The following ACLY variants were observed in gnomAD, a reference collection of about 807,000 sequenced individuals.
ACLY encodes the protein ATP citrate lyase, also known as ATP-citrate synthase.
A neutral mutation model predicts 133.0 loss-of-function variants in ACLY; 41 were observed. The ratio of observed to expected loss-of-function variants is 0.31; its 90% CI spans 0.24 to 0.40. The LOEUF is 0.40. Among genes scored for constraint, ACLY ranks in the 10% least tolerant of loss-of-function variants. The pLI is 1.00. For missense variants in ACLY, 1,046 were observed against 1,453.8 expected, an observed-to-expected ratio of 0.72 and a Z score of 4.56; for synonymous variants, 495 against 549.3, an observed-to-expected ratio of 0.90 and a Z score of 1.38.
intron 21 of ACLY, among the ~76,000 whole-genome samples, chr17:41,878,581 AAC>A (rs1440485473): frequency 6.6e-6 from 1 of 152,248 alleles, no homozygotes; most frequent in East Asian, 1.9e-4. Context: ...TCAGAAACTC[AAC>A]ACATTTTAAT....
intron 17 of ACLY, among the ~76,000 whole-genome samples, chr17:41,887,127 GAAAAAAAAA>G (rs535668437): frequency 2.4e-4 from 26 of 110,378 alleles, no homozygotes; most frequent in African/African-American, 4.0e-4. Flanking sequence ...CCGTCTCAAA[GAAAAAAAAA>G]AAAAAAAAAA....
At chr17:41,908,782 T>A (rs566379056) in intron 6 of ACLY, among the ~76,000 whole-genome samples, 10 of 151,778 alleles carry the variant, frequency 6.6e-5, no homozygotes, top group Non-Finnish European at 1.5e-4. Flanking sequence ...AAGAGAGAGG[T>A]TGGAGTTGAC....
intron 1 of ACLY, 37 bp from the exon 2 acceptor site, chr17:41,913,933 G>A (rs782206084): frequency 6.3e-7 from 1 of 1,598,686 alleles, no homozygotes; most frequent in South Asian, 1.1e-5. Context: ...AAGGGGGCAG[G>A]CGTGTGGAGG....
At chr17:41,911,732 C>T (rs2049907283) in intron 3 of ACLY, among the ~76,000 whole-genome samples, 1 of 152,126 alleles carries the variant, frequency 6.6e-6, no homozygotes, top group African/African-American at 2.4e-5. Flanking sequence ...GGGAGGATAA[C>T]TTGAACCTGG....
chr17:41,907,616 A>G (rs532699835), intron 6 of ACLY, 44 bp from the exon 7 acceptor site: 1 of 1,601,882 alleles, frequency 6.2e-7, no homozygotes, highest in East Asian at 2.2e-5. Flanking sequence ...GGCTCTGGGT[A>G]GAGACAACCA....
At chr17:41,919,059 C>G (rs993035210), upstream of ACLY, 41 of 1,256,196 alleles carry the variant, frequency 3.3e-5, no homozygotes, top group East Asian at 2.2e-3. Context: ...CACGCGTTCC[C>G]TAGCCTGAGC....
chr17:41,928,496 T>C (rs2050268287), intron 1 of ACLY, among the ~76,000 whole-genome samples: 1 of 152,094 alleles, frequency 6.6e-6, no homozygotes, highest in Non-Finnish European at 1.5e-5. Flanking sequence ...TTTTGGCTAT[T>C]TTAGGTCTTT....
chr17:41,877,333 G>T (rs1555626347), intron 22 of ACLY, among the ~76,000 whole-genome samples: 1 of 151,126 alleles, frequency 6.6e-6, no homozygotes, highest in African/African-American at 2.4e-5. Flanking sequence ...AGTAGAGATG[G>T]GGTTTCACCA....
intron 11 of ACLY, among the ~76,000 whole-genome samples, chr17:41,899,698 G>A (rs781908691): frequency 5.9e-5 from 9 of 152,048 alleles, no homozygotes; most frequent in Non-Finnish European, 2.9e-5. Context: ...TAACTTCACT[G>A]TGCTGTCCCC....
At position 41,880,865 on chromosome 17, in the gene ACLY, CA is replaced by C. The variant is rs782218481; in HGVS notation, c.2266-1942del. On this transcript the variant is annotated intron_variant, in intron 20 of 28. Coordinates refer to ENST00000352035, the MANE Select transcript of ACLY (RefSeq NM_001096.3). ...TGGGCGACAGAGCGAGACTCCGTCT[CA>C]AAAAAAAAAAAACACAAAAACCTAA... is the stretch of plus-strand genomic sequence containing the variant. Among the ~76,000 whole-genome samples, 1,042 of 121,632 alleles carry C rather than the reference CA, an allele frequency of 8.6e-3. 4 individuals carry two copies. The highest frequency in any genetic ancestry group is 0.029 in the African/African-American group (952 of 33,206). 79.8% of individuals were successfully genotyped at this position (121,632 alleles called of 152,430 possible). A position where few individuals can be genotyped will look rare whatever the true frequency, so the allele number is the denominator to read the frequency against.
chr17:41,880,707 A>G (rs1374358335), intron 20 of ACLY, among the ~76,000 whole-genome samples: 2 of 152,002 alleles, frequency 1.3e-5, no homozygotes. Context: ...CTAAAAGAAT[A>G]CAAAAAAAAT....
chr17:41,894,318 G>A (rs1190268005), intron 14 of ACLY, among the ~76,000 whole-genome samples: 4 of 149,316 alleles, frequency 2.7e-5, no homozygotes, highest in Non-Finnish European at 4.4e-5. Context: ...CAGAGGTTGC[G>A]GCGAGCCAAG....
intron 11 of ACLY, among the ~76,000 whole-genome samples, chr17:41,899,873 G>A (rs1271049847): frequency 4.6e-5 from 7 of 151,256 alleles, no homozygotes; most frequent in Admixed American, 1.3e-4. Context: ...GCAAAAGTTC[G>A]TCTACAAAAA....
chr17:41,898,854 G>A (rs2144342485), intron 11 of ACLY, 69 bp from the exon 12 acceptor site: 6 of 1,488,434 alleles, frequency 4.0e-6, no homozygotes, highest in Non-Finnish European at 5.5e-6. Context: ...ATGTGACCCT[G>A]CAAAGGGCCT....
rs373894224 is a variant in ACLY, at chr17:41,906,626, G to A, written c.768C>T (p.Leu256=). Residue 256 remains leucine (L), a synonymous_variant, in exon 8 of 29, where the codon CTC becomes CTT. Coordinates refer to ENST00000352035, the MANE Select transcript of ACLY (RefSeq NM_001096.3). The part of the protein sequence containing the change: ...AYPEEAYIAD[L]DAKSGASLKL... ...TCAGGCTTGCCCCACTTTTGGCATC[G>A]AGGTCTGCAATGTAGGCTTCCTGGG... is the stretch of plus-strand genomic sequence containing the variant. The A allele has an allele frequency of 1.5e-5, 25 of 1,614,150 alleles. No homozygotes were observed. The highest frequency in any genetic ancestry group is 1.8e-5 in the Non-Finnish European group (21 of 1,180,014).
intron 17 of ACLY, among the ~76,000 whole-genome samples, chr17:41,886,619 A>G (rs1002522677): frequency 6.6e-6 from 1 of 152,136 alleles, no homozygotes; most frequent in Non-Finnish European, 1.5e-5. Context: ...TACTAGCTCC[A>G]TTTTTTTAAT....
chr17:41,873,673 G>T, intron 23 of ACLY, 138 bp downstream of exon 23: 2 of 1,052,824 alleles, frequency 1.9e-6, no homozygotes, highest in Non-Finnish European at 2.6e-6. Context: ...TCCTTCCTCT[G>T]GCCGCTCAAT....
chr17:41,899,168 C>T (rs569782991), intron 11 of ACLY, among the ~76,000 whole-genome samples: 1 of 151,808 alleles, frequency 6.6e-6, no homozygotes, highest in Non-Finnish European at 1.5e-5. Flanking sequence ...CCCAGCTACT[C>T]GGAGGCTCAG....
chr17:41,918,993 C>T, upstream of ACLY: 2 of 1,286,644 alleles, frequency 1.6e-6, no homozygotes, highest in Non-Finnish European at 2.0e-6. Context: ...CCCGGCCCAG[C>T]CGGACTTTTC....
Sources: allele counts gnomAD v4.1 joint callset (sites outside exome capture counted in the v4.1 genomes callset), GRCh38; gene constraint gnomAD v4.1.1; transcripts MANE v1.5; gene names NCBI Gene and HGNC (gene_info 2026-07-23, HGNC 2026-07-21).